The following CXCR4 variants were observed in gnomAD, a reference collection of about 807,000 sequenced individuals.
CXCR4 encodes C-X-C chemokine receptor type 4.
A neutral mutation model predicts 22.4 loss-of-function variants in CXCR4; 6 were observed. The ratio of observed to expected loss-of-function variants is 0.27; its 90% CI spans 0.15 to 0.53. CXCR4 has a LOEUF of 0.53. Among genes scored for constraint, CXCR4 ranks in the 20% least tolerant of loss-of-function variants. The pLI, the probability that CXCR4 is intolerant of heterozygous loss-of-function variation, is 0.96. For missense variants in CXCR4, 300 were observed against 430.4 expected, an observed-to-expected ratio of 0.70 and a Z score of 2.68; for synonymous variants, 155 against 171.7, an observed-to-expected ratio of 0.90 and a Z score of 0.76.
rs755899324 is a variant in CXCR4 at position 136,115,633 on chromosome 2, C to T, written c.295G>A (p.Val99Met). 1.4e-5 allele frequency: 22 copies of T among 1,614,044 alleles called. No individual in the cohort carries two copies. Among genetic ancestry groups the T allele is most frequent in the Middle Eastern group, 1.6e-4 (1 of 6,084 alleles). The change falls in exon 2 of 2, where the codon GTG (valine) becomes ATG (methionine). Residue 99 changes from valine to methionine, a missense_variant. Val to Met is a conservative substitution (Grantham distance 21). This residue lies in a region of CXCR4 where 118 missense variants were observed against 188.2 expected (regional missense o/e 0.63). Transcript: ENST00000241393. This position sits in a 1 kb window ranked among gnomAD's most constrained non-coding sequence, Gnocchi z 6.4. ...ITLPFWAVDA[V>M]ANWYFGNFLC... ...AAGTTCCCAAAGTACCAGTTTGCCA[C>T]GGCATCAACTGCCCAGAAGGGAAGC... is the stretch of plus-strand genomic sequence containing the variant.
rs763144932 is a variant in CXCR4, at chr2:136,115,628, T to G, written c.300A>C (p.Ala100=). The G allele has an allele frequency of 6.2e-7, 1 of 1,614,194 alleles. No homozygotes were observed. Among genetic ancestry groups the G allele is most frequent in the Non-Finnish European group, 8.5e-7 (1 of 1,180,036 alleles). ...TLPFWAVDAV[A]NWYFGNFLCK... ...ATAGGAAGTTCCCAAAGTACCAGTT[T>G]GCCACGGCATCAACTGCCCAGAAGG... Residue 100 remains alanine (A), a synonymous_variant, in exon 2 of 2, where the codon GCA becomes GCC. Coordinates refer to ENST00000241393, the MANE Select transcript of CXCR4 (RefSeq NM_003467.3). This position sits in a 1 kb window ranked among gnomAD's most constrained non-coding sequence, Gnocchi z 6.4.
Position 136,118,124 on chromosome 2 carries a change from C to G in CXCR4, c.-64G>C, listed in dbSNP as rs555180869. 11 of 1,548,134 alleles carry G rather than the reference C, an allele frequency of 7.1e-6. No homozygotes were observed. The South Asian group carries it at 1.2e-4, about 17-fold the overall frequency. ...CACTCAGGCCCTCGGCGTCACTTTG[C>G]TACCTGCTGCCGCAGCCAACAAACT... On this transcript the variant is annotated 5_prime_UTR_variant, in exon 1 of 2. Transcript: ENST00000241393.
Position 136,115,662 on chromosome 2 carries a change from A to G in CXCR4, c.266T>C (p.Ile89Thr), listed in dbSNP as rs745368112. 6.2e-7 allele frequency: 1 copy of G among 1,614,230 alleles called. No individual in the cohort carries two copies. Among genetic ancestry groups the G allele is most frequent in the Non-Finnish European group, 8.5e-7 (1 of 1,180,036 alleles). ...HLSVADLLFV[I>T]TLPFWAVDAV... The stretch of plus-strand genomic sequence containing the variant: ...ATCAACTGCCCAGAAGGGAAGCGTG[A>G]TGACAAAGAGGAGGTCGGCCACTGA... Residue 89 changes from isoleucine to threonine, a missense_variant, in exon 2 of 2, where the codon ATC becomes ACC. Around this residue, in one of 3 missense-constraint regions of CXCR4, gnomAD observed 118 missense variants for 188.2 expected, o/e 0.63. Transcript: ENST00000241393. This position sits in a 1 kb window ranked among gnomAD's most constrained non-coding sequence, Gnocchi z 6.4.
intron 1 of CXCR4, among the ~76,000 whole-genome samples, chr2:136,116,599 C>A (rs1195214147): frequency 6.6e-6 from 1 of 152,194 alleles, no homozygotes; most frequent in Admixed American, 6.5e-5. Flanking sequence ...CCTCCTCCCC[C>A]AAGCGGGCGC....
At chr2:136,116,565 G>A (rs139877430) in intron 1 of CXCR4, among the ~76,000 whole-genome samples, 3,722 of 152,268 alleles carry the variant, frequency 0.024, 78 homozygotes, top group Middle Eastern at 0.048. Context: ...TTGGGCGGGA[G>A]TGTCAGAAAA....
Position 136,115,924 on chromosome 2 carries a change from GCAAAGGAATGGA to G in CXCR4, c.16-24_16-13del, listed in dbSNP as rs1184795351. On this transcript the variant is annotated splice_polypyrimidine_tract_variant and intron_variant, in intron 1 of 1. Coordinates refer to ENST00000241393, the MANE Select transcript of CXCR4 (RefSeq NM_003467.3). The surrounding 1 kb of genome is among the most constrained non-coding windows in gnomAD (Gnocchi z 6.4). ...TCTGAAGTGTATATCTGCAAAAGAG[GCAAAGGAATGGA>G]CATTCACTTCCAATTCAGCAAGCAT... The G allele has an allele frequency of 3.1e-6, 5 of 1,613,988 alleles. No individual in the cohort carries two copies.
chr2:136,116,877 G>C (rs1684911585), intron 1 of CXCR4, among the ~76,000 whole-genome samples: 1 of 152,162 alleles, frequency 6.6e-6, no homozygotes, highest in African/African-American at 2.4e-5. Flanking sequence ...CGCCGCGGCT[G>C]CCCACTACAC....
chr2:136,117,749 T>G (rs1277424593), intron 1 of CXCR4: 4 of 413,374 alleles, frequency 9.7e-6, no homozygotes, highest in African/African-American at 4.2e-5. Flanking sequence ...TTCTTACGTT[T>G]GCAAACAGCG....
chr2:136,117,371 C>G, intron 1 of CXCR4, among the ~76,000 whole-genome samples: 1 of 152,098 alleles, frequency 6.6e-6, no homozygotes, highest in East Asian at 1.9e-4. Context: ...CCCCCTCAAA[C>G]CCAAAGCGCG....
intron 1 of CXCR4, chr2:136,117,721 G>A (rs547245364): frequency 6.9e-6 from 2 of 290,572 alleles, no homozygotes; most frequent in African/African-American, 4.5e-5. Flanking sequence ...CGCCTTCTCT[G>A]CACTTGTGCA....
Position 136,115,355 on chromosome 2 carries a change from G to C in CXCR4, c.573C>G (p.Pro191=), listed in dbSNP as rs1428254296. 6.2e-7 allele frequency: 1 copy of C among 1,614,090 alleles called. No individual in the cohort carries two copies. Among genetic ancestry groups the C allele is most frequent in the African/African-American group, 1.3e-5 (1 of 74,932 alleles). The change falls in exon 2 of 2, where the codon CCC becomes CCG. Residue 191 remains proline, a synonymous_variant. Transcript: ENST00000241393. This position sits in a 1 kb window ranked among gnomAD's most constrained non-coding sequence, Gnocchi z 6.4. ...GGAACACAACCACCCACAAGTCATT[G>C]GGGTAGAAGCGGTCACAGATATATC... is the stretch of plus-strand genomic sequence containing the variant. ...DDRYICDRFY[P]NDLWVVVFQF... is the part of the protein sequence containing the mutation.
intron 1 of CXCR4, 115 bp downstream of exon 1, chr2:136,117,931 T>C (rs1333038693): frequency 1.4e-6 from 1 of 722,974 alleles, no homozygotes; most frequent in East Asian, 5.9e-5. Context: ...GTGACCCTTT[T>C]TTGGAGTACG....
chr2:136,116,960 G>A (rs543192893), intron 1 of CXCR4, among the ~76,000 whole-genome samples: 1 of 152,364 alleles, frequency 6.6e-6, no homozygotes, highest in Non-Finnish European at 1.5e-5. Context: ...CCCACAGGGT[G>A]CTGGGGAGCG....
chr2:136,116,964 G>A (rs1684914406), intron 1 of CXCR4, among the ~76,000 whole-genome samples: 1 of 152,236 alleles, frequency 6.6e-6, no homozygotes, highest in South Asian at 2.1e-4. Flanking sequence ...CAGGGTGCTG[G>A]GGAGCGACTG....
intron 1 of CXCR4, among the ~76,000 whole-genome samples, chr2:136,116,858 G>A (rs1264034530): frequency 6.6e-6 from 1 of 152,154 alleles, no homozygotes; most frequent in Non-Finnish European, 1.5e-5. Context: ...GGGTCGTCCA[G>A]CCCCGGGCCG....
At chr2:136,116,570 A>G (rs1283131178) in intron 1 of CXCR4, among the ~76,000 whole-genome samples, 4 of 152,202 alleles carry the variant, frequency 2.6e-5, no homozygotes, top group Admixed American at 1.3e-4. Context: ...CGGGAGTGTC[A>G]GAAAATGAAC....
At chr2:136,117,209 C>A (rs1421837345) in intron 1 of CXCR4, among the ~76,000 whole-genome samples, 2 of 152,100 alleles carry the variant, frequency 1.3e-5, no homozygotes, top group Admixed American at 1.3e-4. Context: ...CGCTCCTATC[C>A]CCGGAGCGCA....
rs1684868879 is a variant in CXCR4 at position 136,115,760 on chromosome 2, A to G, written c.168T>C (p.Asn56=). The G allele has an allele frequency of 2.5e-6, 4 of 1,614,248 alleles. No homozygotes were observed. Among genetic ancestry groups the G allele is most frequent in the Non-Finnish European group, 3.4e-6 (4 of 1,180,052 alleles). The change falls in exon 2 of 2, where the codon AAT becomes AAC. Residue 56 remains asparagine, a synonymous_variant. Transcript: ENST00000241393. The surrounding 1 kb of genome is among the most constrained non-coding windows in gnomAD (Gnocchi z 6.4). ...SIIFLTGIVG[N]GLVILVMGYQ... is the part of the protein sequence containing the mutation. ...AACCCATGACCAGGATGACCAATCC[A>G]TTGCCCACAATGCCAGTTAAGAAGA...
rs1684835331 is a variant in CXCR4 at position 136,114,802 on chromosome 2, T to G, written c.*67A>C. 1 of 1,405,570 alleles carries G rather than the reference T, an allele frequency of 7.1e-7. No homozygotes were observed. Among genetic ancestry groups the G allele is most frequent in the African/African-American group, 1.4e-5 (1 of 69,682 alleles). The allele number at this position is 1,405,570 out of a possible 1,614,324, so 87.1% of individuals were successfully genotyped here. A position where few individuals can be genotyped will look rare whatever the true frequency, so the allele number is the denominator to read the frequency against. The stretch of plus-strand genomic sequence containing the variant: ...CTGTACAATATTGGTCAGTCTTTTA[T>G]ATCTGAAAAATGTGTAACTTAAAAA... On this transcript the variant is annotated 3_prime_UTR_variant, in exon 2 of 2. Coordinates refer to ENST00000241393, the MANE Select transcript of CXCR4 (RefSeq NM_003467.3).
Sources: gnomAD v4.1 joint callset for allele counts (sites outside exome capture counted in the v4.1 genomes callset) on GRCh38, gnomAD v4.1.1 for gene constraint, gnomAD v4.1.1 regional missense constraint, Gnocchi (gnomAD v3.1) non-coding constraint, MANE v1.5 for transcripts, NCBI Gene and HGNC (gene_info 2026-07-23, HGNC 2026-07-21) for gene names.